MYB: variants seen among roughly 807,000 people sequenced by gnomAD.
The protein encoded by MYB is transcriptional activator Myb.
A neutral mutation model predicts 92.9 loss-of-function variants in MYB; 28 were observed. The ratio of observed to expected loss-of-function variants is 0.30; its 90% CI spans 0.22 to 0.41. The LOEUF is 0.41. MYB is among the 10% of genes least tolerant of loss of function. The pLI, the probability that MYB is intolerant of heterozygous loss-of-function variation, is 1.00. For synonymous variants in MYB, 295 were observed against 329.1 expected (o/e 0.90, Z 1.12); for missense variants, 679 against 929.3 (o/e 0.73, Z 3.50).
chr6:135,189,895 C>T lies in MYB; in HGVS notation c.306+12C>T. The T allele has an allele frequency of 6.2e-7, 1 of 1,603,898 alleles. No homozygotes were observed. Among genetic ancestry groups the T allele is most frequent in the Non-Finnish European group, 8.5e-7 (1 of 1,171,466 alleles). Reference sequence around the variant, plus strand: ...AAGAAGATCAGAGAGTAAGTTCTTTCTTCATTGGTGTGTGACTCATAATTA... The same window carrying T: ...AAGAAGATCAGAGAGTAAGTTCTTTTTTCATTGGTGTGTGACTCATAATTA... On this transcript the variant is annotated intron_variant, in intron 4 of 15. Transcript: ENST00000341911.
chr6:135,200,034 T>C, intron 11 of MYB, 51 bp from the exon 12 acceptor site: 2 of 1,354,760 alleles, frequency 1.5e-6, no homozygotes, highest in Non-Finnish European at 2.1e-6. Context: ...TAAAGCCATG[T>C]AGGGACATTT....
intron 2 of MYB, 46 bp downstream of exon 2, chr6:135,186,066 A>T (rs111852778): frequency 6.4e-7 from 1 of 1,550,836 alleles, no homozygotes; most frequent in South Asian, 1.1e-5. Context: ...TAGAGTGTAT[A>T]ATTTATAAAA....
At chr6:135,202,873 A>T in intron 14 of MYB, 2 of 517,034 alleles carry the variant, frequency 3.9e-6, no homozygotes, top group Non-Finnish European at 7.4e-6. Context: ...CAATATATGA[A>T]ATAAAGTGTT....
chr6:135,203,177 C>G (rs761086072), intron 14 of MYB, 40 bp from the exon 15 acceptor site: 7 of 1,422,906 alleles, frequency 4.9e-6, no homozygotes, highest in Non-Finnish European at 5.9e-6. Context: ...CTCATATTAT[C>G]CAACCTCATT....
At position 135,201,726 on chromosome 6, in the gene MYB, A is replaced by G. The variant is rs777999385; in HGVS notation, c.2038A>G (p.Thr680Ala). 1 of 1,514,254 alleles carries G rather than the reference A, an allele frequency of 6.6e-7. No individual in the cohort carries two copies. Among genetic ancestry groups the G allele is most frequent in the Non-Finnish European group, 8.9e-7 (1 of 1,121,328 alleles). 93.8% of individuals were successfully genotyped at this position (1,514,254 alleles called of 1,614,324 possible). A position where few individuals can be genotyped will look rare whatever the true frequency, so the allele number is the denominator to read the frequency against. Residue 680 changes from threonine to alanine, a missense_variant, in exon 14 of 16, where the codon ACC becomes GCC. This residue lies in a region of MYB where 402 missense variants were observed against 434.2 expected (regional missense o/e 0.93). Transcript: ENST00000341911. ...DSLNTQLFTQ[T>A]SPVADAPNIL... Reference sequence around the variant, plus strand: ...TCTGAATACCCAACTGTTCACGCAGACCTCGCCTGTGGCAGATGCACCGGT... The same window carrying G: ...TCTGAATACCCAACTGTTCACGCAGGCCTCGCCTGTGGCAGATGCACCGGT...
intron 12 of MYB, 38 bp downstream of exon 12, chr6:135,200,237 T>C (rs754473642): frequency 3.2e-5 from 51 of 1,613,936 alleles, no homozygotes; most frequent in Middle Eastern, 1.6e-4. Context: ...CATTGGTTTA[T>C]TAGTCCCATT....
Position 135,193,801 on chromosome 6 carries a change from T to C in MYB, c.763-37T>C, listed in dbSNP as rs773059276. 4 of 1,472,936 alleles carry C rather than the reference T, an allele frequency of 2.7e-6. No individual in the cohort carries two copies. In the Admixed American group the frequency reaches 5.0e-5, roughly 19 times the overall value. 91.2% of individuals were successfully genotyped at this position (1,472,936 alleles called of 1,614,324 possible). ...AAGTCCCCTGAAGCATATGTAGCCC[T>C]GAATGACGTGGCCTTTGTTTTGTCT... On this transcript the variant is annotated intron_variant, in intron 6 of 15. Coordinates refer to ENST00000341911, the MANE Select transcript of MYB (RefSeq NM_001130173.2).
chr6:135,213,811 G>A (rs936905856), intron 15 of MYB, among the ~76,000 whole-genome samples: 21 of 152,100 alleles, frequency 1.4e-4, no homozygotes, highest in African/African-American at 4.6e-4. Context: ...CTTTAACCCC[G>A]GATATGGAGG....
intron 8 of MYB, chr6:135,194,696 T>C (rs1395891292): frequency 3.5e-6 from 2 of 564,784 alleles, no homozygotes; most frequent in African/African-American, 1.9e-5. Flanking sequence ...ATGATTGTTA[T>C]CATCAATTTT....
At chr6:135,185,418 C>A (rs979803603) in intron 1 of MYB, among the ~76,000 whole-genome samples, 2 of 151,992 alleles carry the variant, frequency 1.3e-5, no homozygotes, top group Non-Finnish European at 2.9e-5. Flanking sequence ...TGATTTTTTT[C>A]TTCTTTTAAT....
intron 1 of MYB, among the ~76,000 whole-genome samples, chr6:135,184,714 T>C (rs1216907548): frequency 2.0e-5 from 3 of 152,206 alleles, no homozygotes; most frequent in African/African-American, 7.2e-5. Context: ...GAATATAACT[T>C]TTCTTTTTAA....
rs1777435126 is a variant in MYB at position 135,197,135 on chromosome 6, T to A, written c.1378T>A (p.Ser460Thr). The change falls in exon 10 of 16, where the codon TCA (serine) becomes ACA (threonine). Residue 460 changes from serine (S) to threonine (T), a missense_variant. Coordinates refer to ENST00000341911, the MANE Select transcript of MYB (RefSeq NM_001130173.2). Reference sequence around the variant, plus strand: ...GAACAAACGTATGTTGAGTGAGAGTTCACTTGACCCACCCAAGGTCTTACC... The same window carrying A: ...GAACAAACGTATGTTGAGTGAGAGTACACTTGACCCACCCAAGGTCTTACC... ...RVNKRMLSES[S>T]LDPPKVLPPA... 2 of 1,613,842 alleles carry A rather than the reference T, an allele frequency of 1.2e-6. No homozygotes were observed. Among genetic ancestry groups the A allele is most frequent in the Non-Finnish European group, 1.7e-6 (2 of 1,179,882 alleles).
At chr6:135,210,286 A>G (rs1272940556) in intron 15 of MYB, among the ~76,000 whole-genome samples, 1 of 152,256 alleles carries the variant, frequency 6.6e-6, no homozygotes, top group Non-Finnish European at 1.5e-5. Flanking sequence ...AGATGTGTTC[A>G]TAGGCTTTCT....
At chr6:135,211,854 G>A (rs1779747681) in intron 15 of MYB, among the ~76,000 whole-genome samples, 1 of 152,152 alleles carries the variant, frequency 6.6e-6, no homozygotes, top group Non-Finnish European at 1.5e-5. Flanking sequence ...AATCAGTAGT[G>A]CTGAAGTTGG....
intron 6 of MYB, 101 bp from the exon 7 acceptor site, chr6:135,193,737 T>G: frequency 1.4e-6 from 1 of 726,874 alleles, no homozygotes; most frequent in Non-Finnish European, 2.3e-6. Context: ...AGTAAAGTGT[T>G]TTTTTTCTCT....
Position 135,201,756 on chromosome 6 carries a change from A to G in MYB, c.2061+7A>G, listed in dbSNP as rs2128304479. 7.0e-7 allele frequency: 1 copy of G among 1,432,460 alleles called. No homozygotes were observed. Among genetic ancestry groups the G allele is most frequent in the East Asian group, 2.5e-5 (1 of 39,344 alleles). The allele number at this position is 1,432,460 out of a possible 1,614,324, so 88.7% of individuals were successfully genotyped here. A position where few individuals can be genotyped will look rare whatever the true frequency, so the allele number is the denominator to read the frequency against. ...GCCTGTGGCAGATGCACCGGTAAGT[A>G]CGTGTGCACCAGCCCCCAAGTTGTT... On this transcript the variant is annotated splice_region_variant and intron_variant, in intron 14 of 15. Coordinates refer to ENST00000341911, the MANE Select transcript of MYB (RefSeq NM_001130173.2).
chr6:135,191,600 A>G (rs1349513502), intron 5 of MYB, among the ~76,000 whole-genome samples: 1 of 152,178 alleles, frequency 6.6e-6, no homozygotes, highest in Non-Finnish European at 1.5e-5. Context: ...CTCTTTCTTT[A>G]GCATACATTC....
intron 6 of MYB, 140 bp downstream of exon 6, chr6:135,192,698 A>G: frequency 1.3e-6 from 1 of 753,146 alleles, no homozygotes; most frequent in East Asian, 2.7e-5. Flanking sequence ...TGCCCTTTGA[A>G]GTAGATAGGG....
At chr6:135,200,454 C>T (rs762941396) in intron 13 of MYB, 39 bp downstream of exon 13, 1 of 1,612,728 alleles carries the variant, frequency 6.2e-7, no homozygotes, top group African/African-American at 1.3e-5. Context: ...AGCTGAGAAT[C>T]CTGCCCCCTT....
Sources: gnomAD v4.1 joint callset for allele counts (sites outside exome capture counted in the v4.1 genomes callset) on GRCh38, gnomAD v4.1.1 for gene constraint, gnomAD v4.1.1 regional missense constraint, MANE v1.5 for transcripts, NCBI Gene and HGNC (gene_info 2026-07-23, HGNC 2026-07-21) for gene names.